The following PDXDC1 variants were observed in gnomAD, a reference collection of about 807,000 sequenced individuals.
PDXDC1 encodes pyridoxal-dependent decarboxylase domain-containing protein 1.
A neutral mutation model predicts 100.1 loss-of-function variants in PDXDC1; 42 were observed. That is an observed-to-expected ratio of 0.42 (90% CI 0.33 to 0.54). PDXDC1 has a LOEUF of 0.54. Ranked by LOEUF, PDXDC1 falls within the 20% of genes least tolerant of loss-of-function variation. The pLI, the probability that PDXDC1 is intolerant of heterozygous loss-of-function variation, is 0.10. For missense variants in PDXDC1, 636 were observed against 979.2 expected, an observed-to-expected ratio of 0.65 and a Z score of 4.68; for synonymous variants, 260 against 371.7, an observed-to-expected ratio of 0.70 and a Z score of 3.46.
At chr16:15,084,485 C>A (rs1191664029) in intron 16 of PDXDC1, among the ~76,000 whole-genome samples, 1 of 152,096 alleles carries the variant, frequency 6.6e-6, no homozygotes, top group South Asian at 2.1e-4. Flanking sequence ...AATGGAAATG[C>A]CACTTTTTGT....
rs369457731 is a variant in PDXDC1, at chr16:15,035,271, T to C, written c.2003-178T>C. 4.0e-4 allele frequency among the ~76,000 whole-genome samples: 61 copies of C among 152,290 alleles called. 2 individuals carry two copies. In the East Asian group the frequency reaches 5.4e-3, roughly 13 times the overall value. On this transcript the variant is annotated intron_variant, in intron 21 of 22. Transcript: ENST00000396410. The stretch of plus-strand genomic sequence containing the variant: ...TGGCGGATGCTGGCGGTACTGGCCC[T>C]GTGAGGTGGCTTTCTCTAGCTCACG...
At chr16:15,147,046 C>T in the PDXDC1 span, among the ~76,000 whole-genome samples, 2 of 151,710 alleles carry the variant, frequency 1.3e-5, no homozygotes, top group Non-Finnish European at 2.9e-5. Flanking sequence ...GAACAGGAAA[C>T]TACAGGGAAG....
chr16:15,146,602 C>G, the PDXDC1 span, among the ~76,000 whole-genome samples: 2 of 152,094 alleles, frequency 1.3e-5, no homozygotes, highest in African/African-American at 4.8e-5. Flanking sequence ...GCTGAAGGCA[C>G]CGAGGCTGGG....
chr16:15,074,618 T>A (rs2045374017), intron 16 of PDXDC1: 1 of 810,256 alleles, frequency 1.2e-6, no homozygotes, highest in Non-Finnish European at 1.8e-6. Flanking sequence ...TCAATAGATA[T>A]TTTTACAGGA....
chr16:15,127,092 C>A, intron 16 of PDXDC1: 1 of 355,440 alleles, frequency 2.8e-6, no homozygotes, highest in Admixed American at 3.8e-5. Flanking sequence ...CCGGCCCGGC[C>A]ACTGGGAGGT....
At chr16:15,071,782 C>G (rs1237261832) in intron 16 of PDXDC1, among the ~76,000 whole-genome samples, 1 of 151,986 alleles carries the variant, frequency 6.6e-6, no homozygotes, top group African/African-American at 2.4e-5. Flanking sequence ...AACAAACAAA[C>G]AAAAAACAAC....
At chr16:15,086,948 T>C (rs1393899929) in intron 16 of PDXDC1, among the ~76,000 whole-genome samples, 5 of 152,206 alleles carry the variant, frequency 3.3e-5, no homozygotes, top group Non-Finnish European at 5.9e-5. Flanking sequence ...AAATATATTA[T>C]GATGTGATTG....
chr16:15,085,562 C>G, intron 16 of PDXDC1: 1 of 1,574,184 alleles, frequency 6.4e-7, no homozygotes, highest in Non-Finnish European at 8.6e-7. Context: ...AAGTGATCCT[C>G]CCGTCTTGGC....
At chr16:14,993,030 C>G (rs542365449) in intron 1 of PDXDC1, among the ~76,000 whole-genome samples, 5 of 152,338 alleles carry the variant, frequency 3.3e-5, no homozygotes, top group Non-Finnish European at 5.9e-5. Context: ...TTATTTCTCA[C>G]TATGTTGCCC....
chr16:15,068,737 A>T (rs1295269569), intron 16 of PDXDC1, among the ~76,000 whole-genome samples: 3 of 152,206 alleles, frequency 2.0e-5, no homozygotes, highest in African/African-American at 7.2e-5. Flanking sequence ...TTTTTTTTCT[A>T]AACAAGAAAA....
chr16:15,131,234 T>C, intron 16 of PDXDC1: 1 of 1,591,834 alleles, frequency 6.3e-7, no homozygotes, highest in Non-Finnish European at 8.5e-7. Flanking sequence ...CAGTCCGAGT[T>C]GTTGGGCACC....
At chr16:15,057,831 G>A (rs2044580648) in intron 16 of PDXDC1, among the ~76,000 whole-genome samples, 1 of 152,188 alleles carries the variant, frequency 6.6e-6, no homozygotes, top group African/African-American at 2.4e-5. Flanking sequence ...CCTGGGGCTG[G>A]TGCAGTTTGC....
intron 6 of PDXDC1, 26 bp from the exon 7 acceptor site, chr16:15,008,753 G>A: frequency 1.9e-6 from 3 of 1,611,586 alleles, no homozygotes; most frequent in Non-Finnish European, 1.7e-6. Context: ...GAGCTTTCTT[G>A]TCAAGTCATA....
downstream of PDXDC1, chr16:15,041,190 A>G (rs1350171699): frequency 4.4e-5 from 46 of 1,047,542 alleles, no homozygotes; most frequent in Non-Finnish European, 3.6e-5. Flanking sequence ...ACTTTGTATA[A>G]TAAAGGCGAA....
intron 21 of PDXDC1, 94 bp downstream of exon 21, chr16:15,034,647 C>G: frequency 2.2e-6 from 2 of 909,176 alleles, no homozygotes; most frequent in South Asian, 1.4e-5. Flanking sequence ...AGAATCCCGC[C>G]CTGGTTCCCG....
chr16:14,999,092 G>C (rs577514316), intron 3 of PDXDC1, among the ~76,000 whole-genome samples: 9 of 152,388 alleles, frequency 5.9e-5, no homozygotes, highest in African/African-American at 1.9e-4. Flanking sequence ...TTTTGAGACA[G>C]AGTCTCGCTC....
chr16:15,130,225 T>G lies in PDXDC1; in HGVS notation c.1400-8654T>G, dbSNP rs1335579466. On this transcript the variant is annotated intron_variant, in intron 16 of 16. Coordinates refer to the PDXDC1 transcript ENST00000535621. ...ACAGGAAACACAAAGCGTACATGGC[T>G]TGGGGGCACGAAGAGGCTGGCGCCG... 3.9e-6 allele frequency: 6 copies of G among 1,551,236 alleles called. No homozygotes were observed. The Admixed American group carries it at 1.2e-4, about 30-fold the overall frequency.
intron 16 of PDXDC1, chr16:15,074,839 T>C (rs1481042616): frequency 1.3e-5 from 21 of 1,611,650 alleles, no homozygotes; most frequent in East Asian, 2.2e-5. Flanking sequence ...CTTTGTTTCA[T>C]GTTCAGTTTC....
At chr16:15,137,318 G>C in intron 16 of PDXDC1, 1 of 1,284,104 alleles carries the variant, frequency 7.8e-7, no homozygotes, top group Non-Finnish European at 1.1e-6. Flanking sequence ...AGGCGGCGGG[G>C]GGCCGGAGCA....
Sources: allele counts gnomAD v4.1 joint callset (sites outside exome capture counted in the v4.1 genomes callset), GRCh38; gene constraint gnomAD v4.1.1; transcripts MANE v1.5; gene names NCBI Gene and HGNC (gene_info 2026-07-23, HGNC 2026-07-21).